Variants in SETD4 observed in about 807,000 individuals in gnomAD.
The protein encoded by SETD4 is SET domain-containing protein 4.
A neutral mutation model predicts 58.3 loss-of-function variants in SETD4; 46 were observed. The observed-to-expected ratio is 0.79, with a 90% CI of 0.62 to 1.01. The LOEUF (loss-of-function observed/expected upper bound fraction) is 1.01. SETD4 is among the 50% of genes least tolerant of loss of function. The pLI is 0.00. For missense variants in SETD4, 490 were observed against 523.3 expected, an observed-to-expected ratio of 0.94 and a Z score of 0.62; for synonymous variants, 190 against 202.6, an observed-to-expected ratio of 0.94 and a Z score of 0.53.
chr21:36,037,295 A>G (rs1012364850), intron 10 of SETD4, among the ~76,000 whole-genome samples: 2 of 128,318 alleles, frequency 1.6e-5, no homozygotes, highest in Non-Finnish European at 3.5e-5. Flanking sequence ...AATATATACA[A>G]TTTTTACTGA....
intron 6 of SETD4, 26 bp downstream of exon 6, chr21:36,045,556 T>C (rs1413050445): frequency 2.5e-6 from 4 of 1,604,944 alleles, no homozygotes; most frequent in East Asian, 2.2e-5. Flanking sequence ...CCAAATAGAA[T>C]AGCTGCTCCC....
rs751326591 is a variant in SETD4, at chr21:36,036,152, C to T, written c.1288G>A (p.Glu430Lys). 64 of 1,613,908 alleles carry T rather than the reference C, an allele frequency of 4.0e-5. No individual in the cohort carries two copies. The highest frequency in any genetic ancestry group is 6.7e-5 in the African/African-American group (5 of 74,908). Residue 430 changes from glutamate (E) to lysine (K), a missense_variant, in exon 11 of 12, where the codon GAG becomes AAG. By Grantham distance (56) the Glu-to-Lys change is moderately conservative. Coordinates refer to ENST00000332131, the MANE Select transcript of SETD4 (RefSeq NM_017438.5). The part of the protein sequence containing the change: ...EELKILRASA[E>K]TLHSLQTAFT The stretch of plus-strand genomic sequence containing the variant: ...GCTGTTTGCAAACTGTGCAGGGTCT[C>T]GGCAGATGCCCTGAGAATCTTTAGC...
intron 7 of SETD4, chr21:36,043,560 T>C: frequency 3.6e-6 from 5 of 1,379,002 alleles, no homozygotes; most frequent in Non-Finnish European, 4.7e-6. Context: ...TCTGACCCAA[T>C]GCAATGAAAA....
rs377188553 is a variant in SETD4 at position 36,040,624 on chromosome 21, A to G, written c.1015T>C (p.Trp339Arg). 9.0e-5 allele frequency: 146 copies of G among 1,613,848 alleles called. No individual in the cohort carries two copies. The highest frequency in any genetic ancestry group is 1.1e-4 in the Non-Finnish European group (128 of 1,179,896). Residue 339 changes from tryptophan (W) to arginine (R), a missense_variant, in exon 9 of 12, where the codon TGG (tryptophan) becomes CGG (arginine). Coordinates refer to ENST00000332131, the MANE Select transcript of SETD4 (RefSeq NM_017438.5). Reference sequence around the variant, plus strand: ...AACTTAAGGGCTGTGAGTAGCCTCCAAGATGGTCCATCCCATCCAAATGTC... The same window carrying G: ...AACTTAAGGGCTGTGAGTAGCCTCCGAGATGGTCCATCCCATCCAAATGTC... ...NLTFGWDGPS[W>R]RLLTALKLLC... is the part of the protein sequence containing the mutation.
At chr21:36,040,454 T>C (rs2255858) in intron 9 of SETD4, 121 bp downstream of exon 9, 285,519 of 754,734 alleles carry the variant, frequency 0.38, 55,042 homozygotes, top group Admixed American at 0.45. Flanking sequence ...CTCCAATGTA[T>C]GACATCCCTT....
At chr21:36,057,637 C>G (rs1381153808) in intron 2 of SETD4, among the ~76,000 whole-genome samples, 1 of 152,104 alleles carries the variant, frequency 6.6e-6, no homozygotes, top group Non-Finnish European at 1.5e-5. Context: ...CAAGATGATC[C>G]CAAAATTCAT....
intron 3 of SETD4, among the ~76,000 whole-genome samples, chr21:36,054,717 C>T (rs2064896707): frequency 6.6e-6 from 1 of 151,332 alleles, no homozygotes; most frequent in African/African-American, 2.4e-5. Context: ...GGATTTGATG[C>T]TCCCGGCTCA....
In SETD4 at chr21:36,041,802, C is replaced by T; in HGVS notation, c.983+5G>A. The T allele has an allele frequency of 6.8e-7, 1 of 1,465,888 alleles. No individual in the cohort carries two copies. Among genetic ancestry groups the T allele is most frequent in the Admixed American group, 2.2e-5 (1 of 46,460 alleles). 90.8% of individuals were successfully genotyped at this position (1,465,888 alleles called of 1,614,324 possible). On this transcript the variant is annotated splice_donor_5th_base_variant and intron_variant, in intron 8 of 11. Transcript: ENST00000332131. Reference sequence around the variant, plus strand: ...TAATTTTAAGAGGGAAAGAGAAACACTTACTCTATATAGCCATGATCCTTT... The same window carrying T: ...TAATTTTAAGAGGGAAAGAGAAACATTTACTCTATATAGCCATGATCCTTT...
chr21:36,050,838 G>A (rs2064640591), intron 4 of SETD4: 1 of 1,611,170 alleles, frequency 6.2e-7, no homozygotes, highest in African/African-American at 1.3e-5. Context: ...ACGTGTCATT[G>A]TCGTGGGAGG....
In SETD4 at chr21:36,045,941, G is replaced by A. The variant is rs763879988; in HGVS notation, c.367C>T (p.Arg123Ter). The change falls in exon 6 of 12, where the codon CGA (arginine) becomes TGA (stop). Residue 123 changes from arginine to a stop codon, truncating the protein, a stop_gained. Transcript: ENST00000332131. LOFTEE classifies it high-confidence loss of function. ...TCCAGGTAAGGCTTCCAAAGAGATCGGTGCCCAGCATGCTTTTCTGAAACT... is the reference window on the plus strand; with the variant it reads ...TCCAGGTAAGGCTTCCAAAGAGATCAGTGCCCAGCATGCTTTTCTGAAACT... ...FLVSEKHAGH[R>*]SLWKPYLEIL... 7.4e-6 allele frequency: 12 copies of A among 1,614,062 alleles called. No homozygotes were observed. Among genetic ancestry groups the A allele is most frequent in the Admixed American group, 6.7e-5 (4 of 60,006 alleles).
At chr21:36,043,236 G>C in intron 7 of SETD4, 1 of 162,628 alleles carries the variant, frequency 6.1e-6, no homozygotes, top group Non-Finnish European at 1.3e-5. Context: ...ACTCCAGCCT[G>C]AGCAACAGAG....
rs761778040 is a variant in SETD4, at chr21:36,058,837, C to T, written c.52G>A (p.Gly18Arg). 3.1e-6 allele frequency: 5 copies of T among 1,601,710 alleles called. No homozygotes were observed. Among genetic ancestry groups the T allele is most frequent in the South Asian group, 1.1e-5 (1 of 87,018 alleles). Residue 18 changes from glycine to arginine, a missense_variant, in exon 2 of 12, where the codon GGA becomes AGA. Gly to Arg is a moderately radical substitution (Grantham distance 125). Coordinates refer to ENST00000332131, the MANE Select transcript of SETD4 (RefSeq NM_017438.5). Reference sequence around the variant, plus strand: ...ATACCTCCTCTTGATTCAGAACTTCCGCAGAGTTTTCGTCTTCTGATCCGG... The same window carrying T: ...ATACCTCCTCTTGATTCAGAACTTCTGCAGAGTTTTCGTCTTCTGATCCGG... ...TSRIRRRKLC[G>R]SSESRGVNES...
At chr21:36,039,005 G>A (rs1431445648) in intron 9 of SETD4, among the ~76,000 whole-genome samples, 1 of 152,022 alleles carries the variant, frequency 6.6e-6, no homozygotes, top group Admixed American at 6.6e-5. Flanking sequence ...TGGCTTCGAA[G>A]GGGAGGAAAG....
intron 2 of SETD4, 95 bp from the exon 3 acceptor site, chr21:36,057,299 G>T: frequency 1.1e-6 from 1 of 923,624 alleles, no homozygotes; most frequent in South Asian, 1.3e-5. Flanking sequence ...GTGTCAGACA[G>T]ACTTACACAA....
chr21:36,054,625 T>C (rs1416114746), intron 3 of SETD4, among the ~76,000 whole-genome samples: 59 of 131,152 alleles, frequency 4.5e-4, no homozygotes, highest in South Asian at 1.0e-3. Context: ...CCTCCATCGG[T>C]TTCCTGGCAG....
chr21:36,041,583 G>A (rs1162331090), intron 8 of SETD4, among the ~76,000 whole-genome samples: 4 of 152,116 alleles, frequency 2.6e-5, no homozygotes, highest in Admixed American at 2.0e-4. Context: ...AATATTTCTA[G>A]CTTGTATCTT....
intron 1 of SETD4, 84 bp downstream of exon 1, chr21:36,060,263 G>C (rs1025557652): frequency 1.4e-5 from 6 of 425,628 alleles, no homozygotes; most frequent in Non-Finnish European, 1.9e-5. Flanking sequence ...GCTGATGAAT[G>C]AAAGACTAAG....
chr21:36,052,006 G>A (rs1401317508), intron 4 of SETD4, among the ~76,000 whole-genome samples: 3 of 151,526 alleles, frequency 2.0e-5, no homozygotes, highest in African/African-American at 7.3e-5. Context: ...AAAAAAAAAA[G>A]TTTTATGTTA....
chr21:36,057,518 A>C, intron 2 of SETD4: 1 of 572,752 alleles, frequency 1.7e-6, no homozygotes. Context: ...TCTGAGGACC[A>C]CCACTGTACA....
Sources: gnomAD v4.1 joint callset for allele counts (sites outside exome capture counted in the v4.1 genomes callset) on GRCh38, gnomAD v4.1.1 for gene constraint, MANE v1.5 for transcripts, NCBI Gene and HGNC (gene_info 2026-07-23, HGNC 2026-07-21) for gene names.